MTAP: variants seen among roughly 807,000 people sequenced by gnomAD.
MTAP encodes S-methyl-5'-thioadenosine phosphorylase.
In MTAP, 33 loss-of-function variants were observed where a neutral mutation model predicts 33.6. The observed-to-expected ratio is 0.98, with a 90% confidence interval of 0.74 to 1.31. The LOEUF (loss-of-function observed/expected upper bound fraction) is 1.31, where lower values mean the gene tolerates loss of function less well. MTAP is among the 40% of genes most tolerant of loss of function. The probability of loss-of-function intolerance (pLI) is 0.00; values close to 1 mark genes in which losing one functional copy is unlikely to be tolerated. For synonymous variants in MTAP, 148 were observed against 125.7 expected, an observed-to-expected ratio of 1.18 and a Z score of -1.19; for missense variants, 367 against 360.0, an observed-to-expected ratio of 1.02 and a Z score of -0.16.
chr9:21,907,463 G>T (rs190000432), intron 1 of MTAP, among the ~76,000 whole-genome samples: 2 of 152,278 alleles, frequency 1.3e-5, no homozygotes, highest in Admixed American at 1.3e-4. Flanking sequence ...AGGCTGAAGC[G>T]AGAGGATGGC....
At chr9:21,828,758 C>G (rs900809575) in intron 4 of MTAP, among the ~76,000 whole-genome samples, 1 of 152,054 alleles carries the variant, frequency 6.6e-6, no homozygotes, top group South Asian at 2.1e-4. Flanking sequence ...GGGGTGATAA[C>G]GTTTTGAATA....
chr9:21,910,980 C>T, intron 1 of MTAP, among the ~76,000 whole-genome samples: 1 of 152,132 alleles, frequency 6.6e-6, no homozygotes. Context: ...GGGTTGCAAT[C>T]CTAGTCTCTC....
Position 21,862,188 on chromosome 9 carries a change from T to A in MTAP, c.*174T>A. ...TGTGTATTAGAGACTCCTGAATGAT[T>A]TAGACAACTTCAAAATACAGAAGAA... On this transcript the variant is annotated 3_prime_UTR_variant, in exon 8 of 8. Transcript: ENST00000644715. 7.3e-7 allele frequency: 1 copy of A among 1,366,174 alleles called. No individual in the cohort carries two copies. Among genetic ancestry groups the A allele is most frequent in the Non-Finnish European group, 9.5e-7 (1 of 1,057,496 alleles). The allele number at this position is 1,366,174 out of a possible 1,614,324, so 84.6% of individuals were successfully genotyped here.
At chr9:21,918,780 C>T (rs1385507090) in intron 1 of MTAP, among the ~76,000 whole-genome samples, 6 of 152,034 alleles carry the variant, frequency 3.9e-5, no homozygotes, top group Non-Finnish European at 8.8e-5. Context: ...TGCCTGCTGC[C>T]AGGTAAGATG....
At chr9:21,830,312 T>C (rs891625189) in intron 4 of MTAP, among the ~76,000 whole-genome samples, 4 of 152,198 alleles carry the variant, frequency 2.6e-5, no homozygotes, top group African/African-American at 9.6e-5. Context: ...AAACCAAAAA[T>C]TAAAAATAGG....
chr9:21,812,496 C>G (rs1415573591), intron 1 of MTAP: 1 of 152,472 alleles, frequency 6.6e-6, no homozygotes, highest in African/African-American at 2.4e-5. Flanking sequence ...GAAGTCCTGG[C>G]TGGGCAGAAA....
chr9:21,819,152 A>T lies in MTAP; in HGVS notation c.347+950A>T, dbSNP rs1334139187. Among the ~76,000 whole-genome samples, 151 of 97,388 alleles carry T rather than the reference A, an allele frequency of 1.6e-3. 2 individuals carry two copies. The East Asian group carries it at 0.035, about 23-fold the overall frequency. The allele number at this position is 97,388 out of a possible 152,430, so 63.9% of individuals were successfully genotyped here. ...ACCACATTTTCTTTTTTTTTTTTTTAATTGTACTTTTAAGTTCTAGGGTAC... is the reference window on the plus strand; with the variant it reads ...ACCACATTTTCTTTTTTTTTTTTTTTATTGTACTTTTAAGTTCTAGGGTAC... On this transcript the variant is annotated intron_variant, in intron 4 of 7. Transcript: ENST00000644715.
intron 4 of MTAP, among the ~76,000 whole-genome samples, chr9:21,832,208 G>A (rs946713904): frequency 6.6e-6 from 1 of 152,202 alleles, no homozygotes; most frequent in African/African-American, 2.4e-5. Context: ...TGAGGGATCA[G>A]TTATGTCAGT....
intron 1 of MTAP, among the ~76,000 whole-genome samples, chr9:21,924,854 A>G (rs538745137): frequency 6.6e-6 from 1 of 152,338 alleles, no homozygotes; most frequent in Non-Finnish European, 1.5e-5. Context: ...ATTAAAACAG[A>G]ACTAGGGAAG....
chr9:21,911,390 C>T (rs1179372228), intron 1 of MTAP, among the ~76,000 whole-genome samples: 1 of 152,096 alleles, frequency 6.6e-6, no homozygotes, highest in African/African-American at 2.4e-5. Flanking sequence ...TAAAGCACTC[C>T]TCAGCAAATG....
rs1369753958 is a variant in MTAP at position 21,818,039 on chromosome 9, G to T, written c.184G>T (p.Gly62Ter). The T allele has an allele frequency of 6.2e-7, 1 of 1,609,990 alleles. No homozygotes were observed. The highest frequency in any genetic ancestry group is 2.2e-5 in the East Asian group (1 of 44,678). Residue 62 changes from glycine to a stop codon, truncating the protein, a stop_gained, in exon 4 of 8, where the codon GGA (glycine) becomes TGA (stop). Transcript: ENST00000644715. LOFTEE classifies it high-confidence loss of function. ...ATTTCTTCTCTCCTTCCATAGGCAT[G>T]GAAGGCAGCACACCATCATGCCTTC... ...NVDCVLLARH[G>*]RQHTIMPSKV...
intron 4 of MTAP, among the ~76,000 whole-genome samples, chr9:21,825,827 A>G (rs1489259848): frequency 2.0e-5 from 3 of 152,180 alleles, no homozygotes; most frequent in Non-Finnish European, 4.4e-5. Flanking sequence ...GGTGACAGCA[A>G]AAAAGCCATT....
chr9:21,862,094 A>G lies in MTAP; in HGVS notation c.*80A>G, dbSNP rs1825766331. On this transcript the variant is annotated 3_prime_UTR_variant, in exon 8 of 8. Transcript: ENST00000644715. Reference sequence around the variant, plus strand: ...AATTCCTGCTTAACTTGAAAAAAATATGGGAAAGACATGCAGCTTTCATGC... The same window carrying G: ...AATTCCTGCTTAACTTGAAAAAAATGTGGGAAAGACATGCAGCTTTCATGC... The G allele has an allele frequency of 1.9e-6, 3 of 1,608,526 alleles. No individual in the cohort carries two copies. Among genetic ancestry groups the G allele is most frequent in the Non-Finnish European group, 2.5e-6 (3 of 1,178,234 alleles).
In MTAP at chr9:21,865,025, G is replaced by A. The variant is rs1287767469; in HGVS notation, c.*3011G>A. ...TTTCAAGGAGTATCTGATGGGTTAG[G>A]AAGTCACGAAATGAGGAGTTCTTGC... On this transcript the variant is annotated 3_prime_UTR_variant, in exon 8 of 8. Transcript: ENST00000644715. 3 of 985,352 alleles carry A rather than the reference G, an allele frequency of 3.0e-6. No homozygotes were observed. The highest frequency in any genetic ancestry group is 3.6e-6 in the Non-Finnish European group (3 of 829,942). The allele number at this position is 985,352 out of a possible 1,614,324, so 61.0% of individuals were successfully genotyped here. A position where few individuals can be genotyped will look rare whatever the true frequency, so the allele number is the denominator to read the frequency against.
chr9:21,900,765 C>T (rs989424777), intron 1 of MTAP, among the ~76,000 whole-genome samples: 3 of 152,204 alleles, frequency 2.0e-5, no homozygotes. Context: ...TGGAATCAAC[C>T]TTGATGCCCA....
intron 1 of MTAP, among the ~76,000 whole-genome samples, chr9:21,910,505 A>G (rs1029359941): frequency 3.3e-5 from 5 of 152,290 alleles, no homozygotes; most frequent in East Asian, 3.9e-4. Flanking sequence ...AGACAATTCT[A>G]TATCCCTAAA....
chr9:21,897,942 G>A (rs1818325291), intron 1 of MTAP, among the ~76,000 whole-genome samples: 1 of 152,096 alleles, frequency 6.6e-6, no homozygotes, highest in Non-Finnish European at 1.5e-5. Context: ...TAAGCCAAAA[G>A]AACAAAGCTG....
At chr9:21,899,061 G>T (rs111626502) in intron 1 of MTAP, among the ~76,000 whole-genome samples, 17 of 151,952 alleles carry the variant, frequency 1.1e-4, no homozygotes, top group East Asian at 3.9e-4. Flanking sequence ...CCATAAAAAA[G>T]GATGAGTTCA....
chr9:21,821,468 A>C (rs1824637286), intron 4 of MTAP, among the ~76,000 whole-genome samples: 2 of 152,196 alleles, frequency 1.3e-5, no homozygotes, highest in South Asian at 4.1e-4. Context: ...CATCCCAGGG[A>C]TGAAGCCCAC....
Sources: allele counts gnomAD v4.1 joint callset (sites outside exome capture counted in the v4.1 genomes callset), GRCh38; gene constraint gnomAD v4.1.1; transcripts MANE v1.5; gene names NCBI Gene and HGNC (gene_info 2026-07-23, HGNC 2026-07-21).